Variants in CDH23 observed in about 807,000 individuals in gnomAD.
CDH23 encodes cadherin related 23.
Under a neutral mutation model 317.1 loss-of-function variants are expected in CDH23, and 189 were observed. The ratio of observed to expected loss-of-function variants is 0.60; its 90% confidence interval spans 0.53 to 0.67. The LOEUF (loss-of-function observed/expected upper bound fraction) is 0.67, where lower values mean the gene tolerates loss of function less well. CDH23 is among the 30% of genes least tolerant of loss of function. CDH23 has a pLI of 0.00. For synonymous variants in CDH23, 1,839 were observed against 1,876.8 expected (o/e 0.98, Z 0.52); for missense variants, 4,401 against 4,592.4 (o/e 0.96, Z 1.20).
In CDH23 at chr10:71,724,067, A is replaced by G. The variant is rs1320553755; in HGVS notation, c.3392A>G (p.Glu1131Gly). 6.4e-7 allele frequency: 1 copy of G among 1,560,822 alleles called. No individual in the cohort carries two copies. Among genetic ancestry groups the G allele is most frequent in the Admixed American group, 1.9e-5 (1 of 52,088 alleles). The change falls in exon 29 of 70, where the codon GAG becomes GGG. Residue 1131 changes from glutamate (E) to glycine (G), a missense_variant. Glu to Gly is a moderately conservative substitution (Grantham distance 98). Around this residue, in one of 3 missense-constraint regions of CDH23, gnomAD observed 3,068 missense variants for 3,203.3 expected, o/e 0.96. Transcript: ENST00000224721. ...ILQLKATDADEGEFGRVWYRI... is the reference protein window; with the variant it reads ...ILQLKATDADGGEFGRVWYRI... ...CAGCTGAAAGCCACGGACGCAGATG[A>G]GGGCGAGTTTGGGCGTGTGTGGTAC...
chr10:71,424,207 C>T (rs376028560), intron 1 of CDH23, among the ~76,000 whole-genome samples: 8 of 152,188 alleles, frequency 5.3e-5, no homozygotes, highest in African/African-American at 1.9e-4. Context: ...AACTGGATCT[C>T]GCTCCCCGCC....
Position 71,563,353 on chromosome 10 carries a change from G to A in CDH23, c.430-3389G>A, listed in dbSNP as rs1172417164. ...GCTTCCTCGTTTAGGAGCCTCCCAG[G>A]CCCCCAGGTGCCCCCCTCACCCCTG... On this transcript the variant is annotated intron_variant, in intron 6 of 69. Transcript: ENST00000224721. 2.0e-5 allele frequency among the ~76,000 whole-genome samples: 3 copies of A among 152,152 alleles called. No homozygotes were observed. In the East Asian group the frequency reaches 5.8e-4, roughly 29 times the overall value.
At chr10:71,696,072 G>A (rs1865378456) in intron 22 of CDH23, among the ~76,000 whole-genome samples, 1 of 152,226 alleles carries the variant, frequency 6.6e-6, no homozygotes, top group African/African-American at 2.4e-5. Flanking sequence ...CTCATGTGCA[G>A]GAATGTGCAC....
At chr10:71,712,338 GT>G (rs894816879) in intron 27 of CDH23, 231 of 258,388 alleles carry the variant, frequency 8.9e-4, no homozygotes, top group African/African-American at 3.2e-3. Flanking sequence ...ACATGGGTCT[GT>G]TTTTTTTGGG....
Position 71,658,149 on chromosome 10 carries a change from T to A in CDH23, c.1449+11532T>A, listed in dbSNP as rs1395707051. Among the ~76,000 whole-genome samples the A allele has an allele frequency of 3.3e-5, 5 of 152,354 alleles. No individual in the cohort carries two copies. In the East Asian group the frequency reaches 9.6e-4, roughly 29 times the overall value. ...GATTGACGGGTCCGGAGTTCCTCTG[T>A]CAGGCCTCAGCGCCCCTCGCCTGTG... On this transcript the variant is annotated intron_variant, in intron 14 of 69. Transcript: ENST00000224721.
chr10:71,655,358 C>T (rs965236343), intron 14 of CDH23, among the ~76,000 whole-genome samples: 4 of 152,154 alleles, frequency 2.6e-5, no homozygotes, highest in African/African-American at 7.2e-5. Context: ...CCTCAACCCT[C>T]AGCATTTTCT....
At chr10:71,609,698 T>C (rs1367217427) in intron 9 of CDH23, among the ~76,000 whole-genome samples, 2 of 152,216 alleles carry the variant, frequency 1.3e-5, no homozygotes, top group Non-Finnish European at 2.9e-5. Flanking sequence ...TTCCTGGTTA[T>C]ACTCGTCCAA....
chr10:71,624,003 C>T (rs1251930888), intron 11 of CDH23, among the ~76,000 whole-genome samples: 1 of 152,232 alleles, frequency 6.6e-6, no homozygotes, highest in Non-Finnish European at 1.5e-5. Context: ...GCCTCAGTGT[C>T]TGCCTCTGGA....
intron 9 of CDH23, among the ~76,000 whole-genome samples, chr10:71,605,586 T>A (rs1564682602): frequency 6.6e-6 from 1 of 152,242 alleles, no homozygotes; most frequent in Non-Finnish European, 1.5e-5. Flanking sequence ...AACATTTCAT[T>A]CCTTTTTTCT....
intron 44 of CDH23, among the ~76,000 whole-genome samples, chr10:71,786,337 C>T (rs1841103866): frequency 1.3e-5 from 2 of 152,204 alleles, no homozygotes; most frequent in Admixed American, 1.3e-4. Flanking sequence ...CAGTTCATCT[C>T]AGCTCTGCCC....
chr10:71,741,606 G>A (rs1839733812), intron 37 of CDH23, 88 bp from the exon 38 acceptor site: 3 of 1,125,896 alleles, frequency 2.7e-6, no homozygotes, highest in South Asian at 2.8e-5. Context: ...GGGAGGTACA[G>A]GGGGAGCCTT....
intron 38 of CDH23, among the ~76,000 whole-genome samples, chr10:71,742,495 G>A (rs1234161459): frequency 1.3e-5 from 2 of 152,234 alleles, no homozygotes; most frequent in Non-Finnish European, 2.9e-5. Flanking sequence ...AAGGACTTGT[G>A]GTCCTCAAGG....
At chr10:71,698,633 T>C (rs118139075) in intron 22 of CDH23, among the ~76,000 whole-genome samples, 4,101 of 152,000 alleles carry the variant, frequency 0.027, 232 homozygotes, top group East Asian at 0.2. Flanking sequence ...AGCCCTTTCC[T>C]CCCTGACCCC....
intron 38 of CDH23, chr10:71,755,246 A>G: frequency 2.0e-6 from 2 of 990,238 alleles, no homozygotes; most frequent in Non-Finnish European, 3.0e-6. Flanking sequence ...CCAACTCTCA[A>G]ATGAAAAGGA....
chr10:71,716,510 G>A, intron 28 of CDH23: 1 of 564,374 alleles, frequency 1.8e-6, no homozygotes, highest in Non-Finnish European at 3.1e-6. Context: ...GACATCACAA[G>A]TCTAAGTGTA....
intron 3 of CDH23, among the ~76,000 whole-genome samples, chr10:71,498,321 C>T (rs1272651431): frequency 6.6e-6 from 1 of 152,190 alleles, no homozygotes; most frequent in African/African-American, 2.4e-5. Flanking sequence ...AGTCCTCAAC[C>T]TCCTGTCCTT....
At chr10:71,505,559 G>A (rs1190148901) in intron 3 of CDH23, among the ~76,000 whole-genome samples, 6 of 152,278 alleles carry the variant, frequency 3.9e-5, no homozygotes, top group East Asian at 1.9e-4. Flanking sequence ...TCTGATGGCC[G>A]GAACCCCTCG....
At chr10:71,506,035 G>A (rs984071328) in intron 3 of CDH23, among the ~76,000 whole-genome samples, 4 of 152,110 alleles carry the variant, frequency 2.6e-5, no homozygotes, top group African/African-American at 9.7e-5. Flanking sequence ...TTCACACAAG[G>A]GAATATTATT....
intron 9 of CDH23, among the ~76,000 whole-genome samples, chr10:71,581,732 C>T (rs1165067689): frequency 6.6e-6 from 1 of 152,230 alleles, no homozygotes; most frequent in African/African-American, 2.4e-5. Flanking sequence ...GCCTGCCCTG[C>T]CACCCACAAG....
Sources: allele counts gnomAD v4.1 joint callset (sites outside exome capture counted in the v4.1 genomes callset), GRCh38; gene constraint gnomAD v4.1.1; regional missense constraint gnomAD v4.1.1; transcripts MANE v1.5; gene names NCBI Gene and HGNC (gene_info 2026-07-23, HGNC 2026-07-21).